HK1: variants seen among roughly 807,000 people sequenced by gnomAD.
The protein encoded by HK1 is hexokinase 1, also known as hexokinase-1.
Under a neutral mutation model 91.6 loss-of-function variants are expected in HK1, and 28 were observed. The observed-to-expected ratio is 0.31, with a 90% CI of 0.23 to 0.42. HK1 has a LOEUF of 0.42. Among genes scored for constraint, HK1 ranks in the 10% least tolerant of loss-of-function variants. The pLI, the probability that HK1 is intolerant of heterozygous loss-of-function variation, is 1.00. For missense variants in HK1, 770 were observed against 1,219.8 expected (o/e 0.63, Z 5.49); for synonymous variants, 430 against 468.1 (o/e 0.92, Z 1.05).
At chr10:69,276,511 T>C (rs1280500492) in intron 1 of HK1, among the ~76,000 whole-genome samples, 2 of 151,558 alleles carry the variant, frequency 1.3e-5, no homozygotes, top group African/African-American at 2.4e-5. Context: ...ATACAAAAAT[T>C]AGCCGGGTGT....
upstream of HK1, chr10:69,315,925 C>G (rs1326102530): frequency 6.2e-7 from 1 of 1,612,720 alleles, no homozygotes; most frequent in Non-Finnish European, 8.5e-7. Flanking sequence ...GGTTCCTGCC[C>G]TGTAAAGAGG....
chr10:69,360,238 A>AGAG (rs1849348997), intron 3 of HK1, among the ~76,000 whole-genome samples, 193 bp downstream of exon 3: 1 of 152,232 alleles, frequency 6.6e-6, no homozygotes, highest in South Asian at 2.1e-4. Context: ...CTGCTTAAAC[A>AGAG]GAGGCTCTCC....
intron 5 of HK1, among the ~76,000 whole-genome samples, chr10:69,303,713 G>A (rs1464362664): frequency 6.6e-6 from 1 of 152,026 alleles, no homozygotes; most frequent in Non-Finnish European, 1.5e-5. Context: ...CCGCCCAACA[G>A]GTTCACCTTG....
Position 69,343,697 on chromosome 10 carries a change from T to G in HK1, c.64-130T>G, listed in dbSNP as rs541540872. 502 of 780,250 alleles carry G rather than the reference T, an allele frequency of 6.4e-4. 6 individuals are homozygous for G. The South Asian group carries it at 6.7e-3, about 10-fold the overall frequency. The allele number at this position is 780,250 out of a possible 1,614,324, so 48.3% of individuals were successfully genotyped here. On this transcript the variant is annotated intron_variant, in intron 1 of 17. Transcript: ENST00000359426. ...CATGGATGACAGCAGTTGAATGACCTTCCGCCATGCGATGTGCCAGCGTGC... is the reference window on the plus strand; with the variant it reads ...CATGGATGACAGCAGTTGAATGACCGTCCGCCATGCGATGTGCCAGCGTGC...
intron 2 of HK1, among the ~76,000 whole-genome samples, chr10:69,358,907 G>C (rs907034541): frequency 6.6e-6 from 1 of 151,904 alleles, no homozygotes; most frequent in Non-Finnish European, 1.5e-5. Flanking sequence ...TTGGGGGCAG[G>C]GTGGCTCATA....
chr10:69,352,898 CTG>C (rs1207350826), intron 2 of HK1, among the ~76,000 whole-genome samples: 2 of 152,104 alleles, frequency 1.3e-5, no homozygotes, highest in Non-Finnish European at 2.9e-5. Context: ...CTCAATAAAA[CTG>C]TTATTAAAAA....
intron 2 of HK1, among the ~76,000 whole-genome samples, chr10:69,351,179 TTAAATAAATAAATAAA>T (rs113053941): frequency 1.7e-5 from 2 of 114,938 alleles, no homozygotes; most frequent in Non-Finnish European, 3.5e-5. Flanking sequence ...CGTCTCAAAA[TTAAATAAATAAATAAA>T]TAAATAAATA....
intron 5 of HK1, among the ~76,000 whole-genome samples, chr10:69,306,725 T>C (rs957235873): frequency 6.6e-5 from 10 of 152,186 alleles, no homozygotes; most frequent in African/African-American, 2.4e-4. Flanking sequence ...TCAGTGTACA[T>C]TGTTTGGGTG....
chr10:69,326,135 CT>C (rs58690152), intron 1 of HK1, among the ~76,000 whole-genome samples: 5,998 of 138,890 alleles, frequency 0.043, 189 homozygotes, highest in African/African-American at 0.089. Context: ...CGCCTGGCCG[CT>C]TTTTTTTTTT....
At chr10:69,389,121 C>T in intron 13 of HK1, 76 bp from the exon 14 acceptor site, 1 of 1,117,674 alleles carries the variant, frequency 8.9e-7, no homozygotes, top group Non-Finnish European at 1.3e-6. Flanking sequence ...GACTGCAGTG[C>T]AACAGACAGA....
upstream of HK1, among the ~76,000 whole-genome samples, chr10:69,315,477 G>A (rs1264369197): frequency 1.3e-5 from 2 of 152,232 alleles, no homozygotes; most frequent in Non-Finnish European, 1.5e-5. Flanking sequence ...GACTTGAAGG[G>A]AAGTGGAGGG....
chr10:69,283,142 A>C (rs2132434823), intron 2 of HK1, among the ~76,000 whole-genome samples: 1 of 145,786 alleles, frequency 6.9e-6, no homozygotes, highest in South Asian at 2.2e-4. Flanking sequence ...AAAAAAAAAA[A>C]AAAATGAATG....
At chr10:69,334,609 T>C (rs1847886954) in intron 1 of HK1, among the ~76,000 whole-genome samples, 1 of 152,104 alleles carries the variant, frequency 6.6e-6, no homozygotes, top group Non-Finnish European at 1.5e-5. Flanking sequence ...CTCCCTAGGC[T>C]AGTCATTACT....
At chr10:69,298,711 C>G (rs1845697105) in intron 4 of HK1, among the ~76,000 whole-genome samples, 1 of 151,786 alleles carries the variant, frequency 6.6e-6, no homozygotes, top group Non-Finnish European at 1.5e-5. Flanking sequence ...TTTCCTACCC[C>G]TGGTACAGAC....
intron 16 of HK1, among the ~76,000 whole-genome samples, chr10:69,397,611 C>T (rs1251555503): frequency 6.6e-6 from 1 of 152,196 alleles, no homozygotes; most frequent in Non-Finnish European, 1.5e-5. Context: ...CTCCCAGCCT[C>T]AGTTGCCTTA....
intron 1 of HK1, chr10:69,338,576 G>A: frequency 2.3e-6 from 3 of 1,289,712 alleles, no homozygotes; most frequent in South Asian, 1.2e-5. Flanking sequence ...CCCAAATGGA[G>A]TGTGGGGAGG....
intron 2 of HK1, among the ~76,000 whole-genome samples, chr10:69,349,816 A>G (rs1848756315): frequency 6.6e-6 from 1 of 152,230 alleles, no homozygotes. Context: ...CTGACAAAGA[A>G]TATTGAACTA....
intron 2 of HK1, among the ~76,000 whole-genome samples, chr10:69,284,659 G>C (rs1364360339): frequency 6.6e-6 from 1 of 152,104 alleles, no homozygotes; most frequent in African/African-American, 2.4e-5. Context: ...CTTTTTCTGA[G>C]ACAGAATCTT....
intron 7 of HK1, 77 bp from the exon 8 acceptor site, chr10:69,376,857 C>A: frequency 6.4e-7 from 1 of 1,572,856 alleles, no homozygotes; most frequent in African/African-American, 1.3e-5. Flanking sequence ...GCTTCCCATT[C>A]CTTTTATGTC....
Sources: allele counts gnomAD v4.1 joint callset (sites outside exome capture counted in the v4.1 genomes callset), GRCh38; gene constraint gnomAD v4.1.1; transcripts MANE v1.5; gene names NCBI Gene and HGNC (gene_info 2026-07-23, HGNC 2026-07-21).